Variants in DPP10 observed in about 807,000 individuals in gnomAD.
DPP10 encodes the protein dipeptidyl peptidase like 10, also known as inactive dipeptidyl peptidase 10.
DPP10 carries 33 observed loss-of-function variants against 120.9 expected under a neutral mutation model. The observed-to-expected ratio is 0.27, with a 90% CI of 0.21 to 0.37. The LOEUF (loss-of-function observed/expected upper bound fraction) is 0.37, where lower values mean the gene tolerates loss of function less well. DPP10 is among the 10% of genes least tolerant of loss of function. The pLI is 1.00. For synonymous variants in DPP10, 337 were observed against 326.1 expected (o/e 1.03, Z -0.36); for missense variants, 816 against 942.8 (o/e 0.87, Z 1.76).
intron 1 of DPP10, among the ~76,000 whole-genome samples, chr2:114,654,476 G>C (rs559150610): frequency 1.3e-5 from 2 of 152,268 alleles, no homozygotes; most frequent in Admixed American, 1.3e-4. Flanking sequence ...AAAGCCAGGA[G>C]TCCAAACTAT....
At chr2:115,167,648 T>G (rs1281024998) in intron 1 of DPP10, among the ~76,000 whole-genome samples, 2 of 149,766 alleles carry the variant, frequency 1.3e-5, no homozygotes, top group Non-Finnish European at 3.0e-5. Flanking sequence ...AAGCCGTGTA[T>G]AGCTGATCCA....
intron 1 of DPP10, among the ~76,000 whole-genome samples, chr2:115,124,290 T>G (rs554879473): frequency 9.9e-5 from 15 of 152,198 alleles, no homozygotes; most frequent in Non-Finnish European, 2.1e-4. Context: ...TTCCTATTAT[T>G]TTTGGAATAA....
intron 19 of DPP10, among the ~76,000 whole-genome samples, chr2:115,808,436 G>A (rs1298857191): frequency 2.0e-5 from 3 of 152,156 alleles, no homozygotes; most frequent in African/African-American, 7.2e-5. Context: ...AATGGAAGGT[G>A]TAAGGTCAAG....
chr2:115,662,783 T>A (rs1236638085), intron 5 of DPP10, among the ~76,000 whole-genome samples: 1 of 152,142 alleles, frequency 6.6e-6, no homozygotes, highest in Non-Finnish European at 1.5e-5. Flanking sequence ...AGAATTCTGG[T>A]ATGGCCTTCC....
At position 114,666,330 on chromosome 2, in the gene DPP10, A is replaced by G. The variant is rs551663111; in HGVS notation, c.60+223492A>G. On this transcript the variant is annotated intron_variant, in intron 1 of 25. Coordinates refer to ENST00000410059, the MANE Select transcript of DPP10 (RefSeq NM_020868.6). ...GAAAATTTAAACACATTTATTTTCCATTCTATTTTATTTCTAACACTGATA... is the reference window on the plus strand; with the variant it reads ...GAAAATTTAAACACATTTATTTTCCGTTCTATTTTATTTCTAACACTGATA... 2.0e-5 allele frequency among the ~76,000 whole-genome samples: 3 copies of G among 152,350 alleles called. No homozygotes were observed. The East Asian group carries it at 5.8e-4, about 29-fold the overall frequency.
At chr2:114,619,657 A>G (rs1693947221) in intron 1 of DPP10, among the ~76,000 whole-genome samples, 1 of 152,038 alleles carries the variant, frequency 6.6e-6, no homozygotes, top group Non-Finnish European at 1.5e-5. Context: ...TGATGGCAGC[A>G]TATCTCACCA....
intron 1 of DPP10, among the ~76,000 whole-genome samples, chr2:114,565,419 T>C (rs915487342): frequency 6.6e-6 from 1 of 152,194 alleles, no homozygotes; most frequent in East Asian, 1.9e-4. Flanking sequence ...TCCCAAGCAC[T>C]TAAAGCATTC....
intron 1 of DPP10, among the ~76,000 whole-genome samples, chr2:114,868,348 C>G (rs1304360604): frequency 1.3e-5 from 2 of 152,252 alleles, no homozygotes; most frequent in African/African-American, 4.8e-5. Context: ...CTTTTTGGGA[C>G]CATTATATTT....
intron 1 of DPP10, among the ~76,000 whole-genome samples, chr2:114,742,718 C>G (rs1490832187): frequency 6.6e-6 from 1 of 152,156 alleles, no homozygotes; most frequent in African/African-American, 2.4e-5. Context: ...TACTGGTGAT[C>G]GAACAGCAAC....
intron 1 of DPP10, among the ~76,000 whole-genome samples, chr2:115,016,847 C>A (rs1303801738): frequency 6.6e-6 from 1 of 151,954 alleles, no homozygotes; most frequent in African/African-American, 2.4e-5. Context: ...GAAAATGTGG[C>A]ACATATACAC....
intron 1 of DPP10, among the ~76,000 whole-genome samples, chr2:114,662,939 T>A (rs1697543688): frequency 6.6e-6 from 1 of 152,206 alleles, no homozygotes; most frequent in African/African-American, 2.4e-5. Context: ...AAGGCACTTT[T>A]GATTGAGTTC....
intron 1 of DPP10, among the ~76,000 whole-genome samples, chr2:114,732,231 T>C (rs1392461782): frequency 6.6e-6 from 1 of 152,184 alleles, no homozygotes; most frequent in Non-Finnish European, 1.5e-5. Context: ...CTAGACCTCC[T>C]GAAGTTTACA....
intron 1 of DPP10, among the ~76,000 whole-genome samples, chr2:114,490,023 C>T (rs1467817670): frequency 6.6e-6 from 1 of 152,124 alleles, no homozygotes; most frequent in African/African-American, 2.4e-5. Flanking sequence ...TTTGCTGGTC[C>T]AATAATTTTT....
intron 1 of DPP10, among the ~76,000 whole-genome samples, chr2:115,240,115 C>T (rs979740516): frequency 1.4e-4 from 21 of 152,176 alleles, no homozygotes; most frequent in African/African-American, 4.1e-4. Flanking sequence ...TGGATATACA[C>T]CCAGTAATGG....
intron 1 of DPP10, among the ~76,000 whole-genome samples, chr2:114,676,242 T>C (rs2105672917): frequency 6.6e-6 from 1 of 152,258 alleles, no homozygotes; most frequent in Admixed American, 6.5e-5. Context: ...TAAAAAGTAG[T>C]AGAAAAAAAT....
intron 1 of DPP10, among the ~76,000 whole-genome samples, chr2:114,536,906 G>A (rs1007940290): frequency 6.6e-6 from 1 of 152,168 alleles, no homozygotes; most frequent in Non-Finnish European, 1.5e-5. Flanking sequence ...CTGCTAGCAA[G>A]CTCTCAATAA....
intron 1 of DPP10, among the ~76,000 whole-genome samples, chr2:114,810,204 T>G (rs1685065533): frequency 6.6e-6 from 1 of 152,198 alleles, no homozygotes; most frequent in African/African-American, 2.4e-5. Context: ...TTGGTTTACT[T>G]TATTATCATA....
intron 1 of DPP10, among the ~76,000 whole-genome samples, chr2:115,227,259 G>A (rs551824634): frequency 1.6e-4 from 25 of 152,182 alleles, no homozygotes; most frequent in Admixed American, 4.6e-4. Flanking sequence ...GGAGATTCTA[G>A]GGACTTACAG....
intron 5 of DPP10, among the ~76,000 whole-genome samples, chr2:115,595,677 A>T (rs2082943334): frequency 6.6e-6 from 1 of 152,072 alleles, no homozygotes; most frequent in South Asian, 2.1e-4. Context: ...TAACTTACTT[A>T]AACCTTCAGT....
Sources: allele counts gnomAD v4.1 joint callset (sites outside exome capture counted in the v4.1 genomes callset), GRCh38; gene constraint gnomAD v4.1.1; transcripts MANE v1.5; gene names NCBI Gene and HGNC (gene_info 2026-07-23, HGNC 2026-07-21).